The following PPP2R3A variants were observed in gnomAD, a reference collection of about 807,000 sequenced individuals.
PPP2R3A encodes protein phosphatase 2 regulatory subunit B''alpha, also known as serine/threonine-protein phosphatase 2A regulatory subunit B'' subunit alpha.
PPP2R3A carries 80 observed loss-of-function variants against 106.9 expected under a neutral mutation model. The observed-to-expected ratio is 0.75, with a 90% CI of 0.62 to 0.90. The LOEUF (loss-of-function observed/expected upper bound fraction) is 0.90, where lower values mean the gene tolerates loss of function less well. Among genes scored for constraint, PPP2R3A ranks in the 40% least tolerant of loss-of-function variants. The probability of loss-of-function intolerance (pLI) is 0.00; values close to 1 mark genes in which losing one functional copy is unlikely to be tolerated. For missense variants in PPP2R3A, 1,386 were observed against 1,350.4 expected, an observed-to-expected ratio of 1.03 and a Z score of -0.41; for synonymous variants, 483 against 468.3, an observed-to-expected ratio of 1.03 and a Z score of -0.41.
chr3:136,118,242 G>A (rs930240490), intron 13 of PPP2R3A, among the ~76,000 whole-genome samples: 14 of 152,080 alleles, frequency 9.2e-5, no homozygotes, highest in African/African-American at 1.4e-4. Flanking sequence ...AATAATAAGA[G>A]CTATTTATGA....
intron 13 of PPP2R3A, among the ~76,000 whole-genome samples, chr3:136,137,568 G>A: frequency 5.2e-5 from 1 of 19,200 alleles, no homozygotes; most frequent in Non-Finnish European, 1.4e-4. Context: ...TTGAGATGGA[G>A]GCTCGCTCTG....
Position 136,002,704 on chromosome 3 carries a change from T to C in PPP2R3A, c.1206T>C (p.Pro402=). ...QVQSQSLTMN[P]LENVSSDDLM... is the part of the protein sequence containing the mutation. ...AATCACAGTCATTAACCATGAATCC[T>C]TTAGAAAATGTTTCTTCTGACGACT... The change falls in exon 2 of 14, where the codon CCT becomes CCC. Residue 402 remains proline (P), a synonymous_variant. Transcript: ENST00000264977. The C allele has an allele frequency of 1.9e-6, 3 of 1,613,202 alleles. No individual in the cohort carries two copies. The highest frequency in any genetic ancestry group is 2.2e-5 in the South Asian group (2 of 90,854).
At chr3:135,985,374 TCCTCTCTC>T (rs139745267) in intron 1 of PPP2R3A, among the ~76,000 whole-genome samples, 37,096 of 134,730 alleles carry the variant, frequency 0.28, 5,106 homozygotes, top group Non-Finnish European at 0.33. Flanking sequence ...CTCTCTCCCT[TCCTCTCTC>T]CCTCTCTCCC....
In PPP2R3A at chr3:136,003,163, G is replaced by A; in HGVS notation, c.1665G>A (p.Glu555=). The A allele has an allele frequency of 1.2e-6, 2 of 1,613,594 alleles. No homozygotes were observed. Among genetic ancestry groups the A allele is most frequent in the Non-Finnish European group, 1.7e-6 (2 of 1,179,740 alleles). The change falls in exon 2 of 14, where the codon GAG becomes GAA. Residue 555 remains glutamate, a synonymous_variant. Coordinates refer to ENST00000264977, the MANE Select transcript of PPP2R3A (RefSeq NM_002718.5). ...QLTGQTLVDL[E]PKSKVSSPIE... ...CCGGTCAGACCCTTGTAGATCTTGA[G>A]CCTAAATCTAAAGTCTCTTCACCCA...
At chr3:136,107,121 G>A (rs922209753) in intron 13 of PPP2R3A, among the ~76,000 whole-genome samples, 3 of 151,946 alleles carry the variant, frequency 2.0e-5, no homozygotes, top group Non-Finnish European at 2.9e-5. Context: ...TGACTCCTTG[G>A]ATCACTTCAG....
At chr3:135,979,790 A>G (rs540023032) in intron 1 of PPP2R3A, among the ~76,000 whole-genome samples, 68 of 151,980 alleles carry the variant, frequency 4.5e-4, no homozygotes, top group Non-Finnish European at 7.3e-4. Context: ...AAATGAAGAG[A>G]GACACCAAGA....
intron 5 of PPP2R3A, among the ~76,000 whole-genome samples, chr3:136,067,958 C>T (rs1391434785): frequency 1.3e-5 from 2 of 152,314 alleles, no homozygotes; most frequent in Admixed American, 1.3e-4. Flanking sequence ...GGTGGCCAGG[C>T]TCATGCCTGT....
At chr3:136,012,015 T>C (rs997911181) in intron 2 of PPP2R3A, among the ~76,000 whole-genome samples, 290 of 127,020 alleles carry the variant, frequency 2.3e-3, no homozygotes, top group African/African-American at 9.8e-3. Context: ...ACACACACAC[T>C]CTCCACCAAG....
intron 5 of PPP2R3A, among the ~76,000 whole-genome samples, chr3:136,062,561 A>G (rs1286425302): frequency 3.9e-5 from 6 of 152,110 alleles, no homozygotes; most frequent in African/African-American, 1.4e-4. Context: ...CACTAAAAAT[A>G]CAAAAAATTA....
At chr3:135,980,459 A>G (rs960230825) in intron 1 of PPP2R3A, among the ~76,000 whole-genome samples, 4 of 149,936 alleles carry the variant, frequency 2.7e-5, no homozygotes, top group Non-Finnish European at 1.5e-5. Flanking sequence ...AAAAAAAAAA[A>G]GTTGGTAAGT....
intron 13 of PPP2R3A, among the ~76,000 whole-genome samples, chr3:136,111,606 G>A (rs1048794330): frequency 5.3e-5 from 8 of 151,374 alleles, no homozygotes; most frequent in African/African-American, 1.5e-4. Context: ...GGAATAAACC[G>A]AAACACTGAA....
intron 1 of PPP2R3A, among the ~76,000 whole-genome samples, chr3:135,985,372 C>T (rs1340689619): frequency 3.1e-5 from 4 of 130,336 alleles, no homozygotes; most frequent in Admixed American, 1.5e-4. Flanking sequence ...CCCTCTCTCC[C>T]TTCCTCTCTC....
At chr3:136,115,197 A>G (rs1246158466) in intron 13 of PPP2R3A, among the ~76,000 whole-genome samples, 1 of 152,188 alleles carries the variant, frequency 6.6e-6, no homozygotes, top group African/African-American at 2.4e-5. Flanking sequence ...AGGAAAACTA[A>G]CAAACAGAAA....
intron 5 of PPP2R3A, among the ~76,000 whole-genome samples, chr3:136,057,069 A>ACC (rs781762679): frequency 2.0e-5 from 3 of 146,456 alleles, no homozygotes; most frequent in African/African-American, 2.5e-5. Context: ...GAGAAAGAGG[A>ACC]CCCCCCCCAC....
At chr3:136,035,755 A>G (rs1211624784) in intron 3 of PPP2R3A, among the ~76,000 whole-genome samples, 1 of 152,154 alleles carries the variant, frequency 6.6e-6, no homozygotes, top group Non-Finnish European at 1.5e-5. Flanking sequence ...TGCTTCTTGT[A>G]TTTGGATGTC....
chr3:135,967,203 CAATCTAGGAGCTCAGA>C (rs1255637753), intron 1 of PPP2R3A, among the ~76,000 whole-genome samples: 6 of 152,040 alleles, frequency 3.9e-5, no homozygotes. Flanking sequence ...ATCTTTTATA[CAATCTAGGAGCTCAGA>C]AATCTAGGAG....
At chr3:136,061,966 T>G (rs889851569) in intron 5 of PPP2R3A, among the ~76,000 whole-genome samples, 1 of 150,846 alleles carries the variant, frequency 6.6e-6, no homozygotes, top group African/African-American at 2.4e-5. Context: ...CTGACAATTA[T>G]GAATTTCTTT....
intron 13 of PPP2R3A, among the ~76,000 whole-genome samples, chr3:136,118,947 A>T (rs1260631638): frequency 1.3e-5 from 2 of 152,234 alleles, no homozygotes; most frequent in Non-Finnish European, 2.9e-5. Flanking sequence ...AGCAGGAGGC[A>T]TCATGCTACC....
chr3:135,991,876 T>A (rs878910897), intron 1 of PPP2R3A, among the ~76,000 whole-genome samples: 2 of 152,148 alleles, frequency 1.3e-5, no homozygotes, highest in Non-Finnish European at 2.9e-5. Context: ...CTAATTCCCA[T>A]GTGTTCAAAT....
Sources: gnomAD v4.1 joint callset for allele counts (sites outside exome capture counted in the v4.1 genomes callset) on GRCh38, gnomAD v4.1.1 for gene constraint, MANE v1.5 for transcripts, NCBI Gene and HGNC (gene_info 2026-07-23, HGNC 2026-07-21) for gene names.